The following GNAS variants were observed in gnomAD, a reference collection of about 807,000 sequenced individuals.
The protein encoded by GNAS is GNAS complex locus.
A neutral mutation model predicts 54.5 loss-of-function variants in GNAS; 8 were observed. The observed-to-expected ratio is 0.15, with a 90% confidence interval of 0.09 to 0.26. GNAS has a LOEUF of 0.26. Among genes scored for constraint, GNAS ranks in the 10% least tolerant of loss-of-function variants. The pLI is 1.00. For synonymous variants in GNAS, 204 were observed against 191.4 expected, an observed-to-expected ratio of 1.07 and a Z score of -0.54; for missense variants, 170 against 529.8, an observed-to-expected ratio of 0.32 and a Z score of 6.67.
At chr20:58,892,173 CT>C in intron 1 of GNAS, 7 of 962,990 alleles carry the variant, frequency 7.3e-6, no homozygotes, top group Non-Finnish European at 7.4e-6. Flanking sequence ...CTCTTTCTCT[CT>C]TTTTCCGCGA....
intron 1 of GNAS, chr20:58,854,395 G>C (rs778121381): frequency 6.4e-7 from 1 of 1,566,214 alleles, no homozygotes; most frequent in Admixed American, 1.9e-5. Flanking sequence ...CCCTCTCCGG[G>C]GTACGGATCC....
intron 1 of GNAS, among the ~76,000 whole-genome samples, chr20:58,877,702 C>T (rs1450385195): frequency 6.6e-6 from 1 of 152,152 alleles, no homozygotes; most frequent in Non-Finnish European, 1.5e-5. Flanking sequence ...TGTTAAGAGG[C>T]TACAGTCAGC....
chr20:58,869,313 C>T (rs1568944554), intron 1 of GNAS, among the ~76,000 whole-genome samples: 1 of 152,310 alleles, frequency 6.6e-6, no homozygotes, highest in East Asian at 1.9e-4. Context: ...ATGCCAACCC[C>T]CTATCCAACA....
At chr20:58,899,486 GA>G (rs2090389538) in intron 3 of GNAS, 1 of 541,102 alleles carries the variant, frequency 1.8e-6, no homozygotes, top group African/African-American at 1.9e-5. Context: ...AGGTCGTTAA[GA>G]ATCATCTCGA....
upstream of GNAS, among the ~76,000 whole-genome samples, chr20:58,891,051 G>A (rs1395004968): frequency 2.0e-5 from 3 of 150,670 alleles, no homozygotes; most frequent in Non-Finnish European, 4.4e-5. Context: ...GAGCGTTGGC[G>A]TCGTGCGAGG....
chr20:58,868,022 C>CT (rs370255144), intron 1 of GNAS, among the ~76,000 whole-genome samples: 3,856 of 132,528 alleles, frequency 0.029, 187 homozygotes, highest in African/African-American at 0.09. Context: ...TTCTTTCTTT[C>CT]TTTTTTTTTT....
At chr20:58,907,692 T>A (rs1272099502) in intron 6 of GNAS, among the ~76,000 whole-genome samples, 2 of 152,212 alleles carry the variant, frequency 1.3e-5, no homozygotes, top group African/African-American at 4.8e-5. Context: ...AACGCACCAT[T>A]TGTATAGATC....
At chr20:58,878,771 G>A (rs1463663352) in intron 1 of GNAS, among the ~76,000 whole-genome samples, 1 of 152,144 alleles carries the variant, frequency 6.6e-6, no homozygotes, top group East Asian at 1.9e-4. Context: ...CTTCTGGAAA[G>A]CAACATTAGG....
At chr20:58,891,928 G>A (rs1364869894) in intron 1 of GNAS, 63 bp downstream of exon 1, 45 of 934,664 alleles carry the variant, frequency 4.8e-5, no homozygotes, top group Non-Finnish European at 5.5e-5. Context: ...CCCGCAGGCC[G>A]CGCGCGCCGA....
At chr20:58,861,886 G>A (rs1388216091) in intron 1 of GNAS, among the ~76,000 whole-genome samples, 2 of 151,562 alleles carry the variant, frequency 1.3e-5, no homozygotes, top group African/African-American at 4.9e-5. Flanking sequence ...TGTATTTTTT[G>A]TAGAGACGGG....
rs140471651 is a variant in GNAS, at chr20:58,859,517, C to A, written c.43+18631C>A. The stretch of plus-strand genomic sequence containing the variant: ...TGGCCACATTTTACATTTTTTAAAG[C>A]CTTTCATCTAGTCATATTTGTCTCT... On this transcript the variant is annotated intron_variant, in intron 1 of 12. Transcript: ENST00000306090. Among the ~76,000 whole-genome samples, 255 of 151,914 alleles carry A rather than the reference C, an allele frequency of 1.7e-3. 1 individual carries two copies. The highest frequency in any genetic ancestry group is 5.7e-3 in the African/African-American group (238 of 41,426).
At chr20:58,908,229 AT>A (rs1420058577) in intron 6 of GNAS, among the ~76,000 whole-genome samples, 1 of 152,208 alleles carries the variant, frequency 6.6e-6, no homozygotes, top group African/African-American at 2.4e-5. Context: ...CCTCCAAAAA[AT>A]AACTGGTTTT....
chr20:58,909,827 C>T lies in GNAS; in HGVS notation c.839+23C>T. On this transcript the variant is annotated intron_variant, in intron 10 of 12. Coordinates refer to ENST00000371085, the MANE Select transcript of GNAS (RefSeq NM_000516.7). This position sits in a 1 kb window ranked among gnomAD's most constrained non-coding sequence, Gnocchi z 7.3. Reference sequence around the variant, plus strand: ...CAGGTTTGTGGAGTGACCGCCCACCCCCTGCGCTTGCCCAGGAGGCCCTGG... The same window carrying T: ...CAGGTTTGTGGAGTGACCGCCCACCTCCTGCGCTTGCCCAGGAGGCCCTGG... The T allele has an allele frequency of 6.2e-7, 1 of 1,612,856 alleles. No homozygotes were observed. Among genetic ancestry groups the T allele is most frequent in the South Asian group, 1.1e-5 (1 of 91,050 alleles).
chr20:58,847,886 TA>T (rs1373287831), intron 1 of GNAS, among the ~76,000 whole-genome samples: 1 of 152,152 alleles, frequency 6.6e-6, no homozygotes, highest in East Asian at 1.9e-4. Context: ...AGAATGTAAG[TA>T]GAAACACAAT....
intron 1 of GNAS, chr20:58,855,688 T>C (rs1175400997): frequency 1.5e-6 from 1 of 675,664 alleles, no homozygotes; most frequent in Non-Finnish European, 2.7e-6. Flanking sequence ...GCCCCGGGAC[T>C]CCCCTGGCTA....
chr20:58,901,229 T>C (rs2090575141), intron 3 of GNAS, among the ~76,000 whole-genome samples: 1 of 152,190 alleles, frequency 6.6e-6, no homozygotes, highest in Non-Finnish European at 1.5e-5. Context: ...AAAGTGAACA[T>C]TGGGGACCAT....
At chr20:58,852,220 G>A (rs2086205574) in intron 1 of GNAS, among the ~76,000 whole-genome samples, 1 of 152,118 alleles carries the variant, frequency 6.6e-6, no homozygotes, top group Non-Finnish European at 1.5e-5. Flanking sequence ...CCCTGCTTGC[G>A]CCGCTGTGGG....
chr20:58,899,021 A>G, intron 3 of GNAS, 36 bp downstream of exon 3: 2 of 1,522,722 alleles, frequency 1.3e-6, no homozygotes, highest in Non-Finnish European at 1.8e-6. Flanking sequence ...ATTGTTAACA[A>G]ACCAAACAAA....
At chr20:58,894,966 A>T (rs2089904330) in intron 1 of GNAS, among the ~76,000 whole-genome samples, 1 of 152,192 alleles carries the variant, frequency 6.6e-6, no homozygotes, top group Non-Finnish European at 1.5e-5. Context: ...CTTTAGAAAG[A>T]TATAGTTTGT....
Sources: gnomAD v4.1 joint callset for allele counts (sites outside exome capture counted in the v4.1 genomes callset) on GRCh38, gnomAD v4.1.1 for gene constraint, Gnocchi (gnomAD v3.1) non-coding constraint, MANE v1.5 for transcripts, NCBI Gene and HGNC (gene_info 2026-07-23, HGNC 2026-07-21) for gene names.